The following MRPL42 variants were observed in gnomAD, a reference collection of about 807,000 sequenced individuals.
MRPL42 encodes the protein large ribosomal subunit protein mL42.
MRPL42 carries 17 observed loss-of-function variants against 17.9 expected under a neutral mutation model. The observed-to-expected ratio is 0.95, with a 90% CI of 0.65 to 1.42. The LOEUF (loss-of-function observed/expected upper bound fraction) is 1.42, where lower values mean the gene tolerates loss of function less well. MRPL42 is among the 40% of genes most tolerant of loss of function. The probability of loss-of-function intolerance (pLI) is 0.00; values close to 1 mark genes in which losing one functional copy is unlikely to be tolerated. For missense variants in MRPL42, 177 were observed against 175.2 expected (o/e 1.01, Z -0.06); for synonymous variants, 59 against 54.4 (o/e 1.08, Z -0.37).
chr12:93,479,284 A>AT, intron 3 of MRPL42, 104 bp from the exon 4 acceptor site: 1 of 627,246 alleles, frequency 1.6e-6, no homozygotes, highest in Non-Finnish European at 2.5e-6. Context: ...ACTGCACTCC[A>AT]GCCTGGGTGA....
rs141660529 is a variant in MRPL42, at chr12:93,492,088, A to T, written c.383+4428A>T. On this transcript the variant is annotated intron_variant, in intron 5 of 5. Coordinates refer to ENST00000549982, the MANE Select transcript of MRPL42 (RefSeq NM_014050.4). ...AGTGCTACAGTGAACATACAATTACATGTGTCTTTTTGGTGGAACAGTTTC... is the reference window on the plus strand; with the variant it reads ...AGTGCTACAGTGAACATACAATTACTTGTGTCTTTTTGGTGGAACAGTTTC... 5.9e-4 allele frequency among the ~76,000 whole-genome samples: 90 copies of T among 152,276 alleles called. 1 individual carries two copies. The highest frequency in any genetic ancestry group is 9.8e-4 in the Non-Finnish European group (67 of 68,034).
Position 93,515,017 on chromosome 12 carries a change from T to A in MRPL42, c.*13796T>A, listed in dbSNP as rs149432669. The A allele has an allele frequency of 2.2e-4, 33 of 152,288 alleles. No individual in the cohort carries two copies. Among genetic ancestry groups the A allele is most frequent in the Middle Eastern group, 3.4e-3 (1 of 294 alleles). 9.4% of individuals were successfully genotyped at this position (152,288 alleles called of 1,614,324 possible). ...AAACTCAGCTGATTCCTTCTGCAGA[T>A]ACACTCTCCACCCTTCTTGATTCCT... is the stretch of plus-strand genomic sequence containing the variant. On this transcript the variant is annotated 3_prime_UTR_variant, in exon 6 of 6. Coordinates refer to ENST00000549982, the MANE Select transcript of MRPL42 (RefSeq NM_014050.4).
At chr12:93,478,102 G>A (rs1483335933) in intron 3 of MRPL42, among the ~76,000 whole-genome samples, 1 of 151,706 alleles carries the variant, frequency 6.6e-6, no homozygotes, top group East Asian at 1.9e-4. Flanking sequence ...GACTATAGGT[G>A]TGTGCCACCA....
intron 4 of MRPL42, 152 bp from the exon 5 acceptor site, chr12:93,487,345 C>CA (rs34626627): frequency 0.69 from 412,513 of 596,678 alleles, 144,967 homozygotes; most frequent in African/African-American, 0.77. Context: ...ATGAATAATG[C>CA]ACTAAGTGAA....
chr12:93,515,770 CTA>C lies in MRPL42; in HGVS notation c.*14551_*14552del, dbSNP rs1953775673. 1 of 152,134 alleles carries C rather than the reference CTA, an allele frequency of 6.6e-6. No homozygotes were observed. Among genetic ancestry groups the C allele is most frequent in the African/African-American group, 2.4e-5 (1 of 41,428 alleles). 9.4% of individuals were successfully genotyped at this position (152,134 alleles called of 1,614,324 possible). ...AGCTGACTTGGCATTCACAGCTAGG[CTA>C]TGTTATTTTCCTATTGGGCATAAGT... On this transcript the variant is annotated 3_prime_UTR_variant, in exon 6 of 6. Coordinates refer to ENST00000549982, the MANE Select transcript of MRPL42 (RefSeq NM_014050.4).
intron 5 of MRPL42, among the ~76,000 whole-genome samples, chr12:93,494,929 A>AGT (rs1221238881): frequency 1.2e-5 from 1 of 81,400 alleles, no homozygotes; most frequent in African/African-American, 4.1e-5. Context: ...ACCATCAGGA[A>AGT]CTCTAGAGAT....
chr12:93,476,840 G>A (rs965969966), intron 2 of MRPL42, 114 bp from the exon 3 acceptor site: 18 of 930,798 alleles, frequency 1.9e-5, no homozygotes, highest in Admixed American at 1.8e-4. Flanking sequence ...CCTAGCACAG[G>A]CCTGTTTCAT....
chr12:93,492,326 G>C (rs1953430552), intron 5 of MRPL42, among the ~76,000 whole-genome samples: 1 of 152,100 alleles, frequency 6.6e-6, no homozygotes, highest in African/African-American at 2.4e-5. Flanking sequence ...ACTAGTATCA[G>C]CTGGTATCAC....
At chr12:93,467,814 T>G (rs1465714961) in intron 1 of MRPL42, among the ~76,000 whole-genome samples, 5 of 152,014 alleles carry the variant, frequency 3.3e-5, no homozygotes, top group Non-Finnish European at 5.9e-5. Flanking sequence ...GGTCGAAGAG[T>G]TCTGGTGCTC....
Position 93,502,812 on chromosome 12 carries a change from A to G in MRPL42, c.*1591A>G, listed in dbSNP as rs1193977090. 3 of 152,238 alleles carry G rather than the reference A, an allele frequency of 2.0e-5. No homozygotes were observed. The highest frequency in any genetic ancestry group is 4.4e-5 in the Non-Finnish European group (3 of 68,042). 9.4% of individuals were successfully genotyped at this position (152,238 alleles called of 1,614,324 possible). On this transcript the variant is annotated 3_prime_UTR_variant, in exon 6 of 6. Coordinates refer to ENST00000549982, the MANE Select transcript of MRPL42 (RefSeq NM_014050.4). ...AAGATTTTCTTCTCTTCCGAGTACA[A>G]AGCTCTGCTAAATAAGGATTTACCC...
chr12:93,474,061 TGTGATAA>T (rs1880039049), intron 2 of MRPL42, among the ~76,000 whole-genome samples: 1 of 152,148 alleles, frequency 6.6e-6, no homozygotes, highest in Non-Finnish European at 1.5e-5. Context: ...TGAGGCAGAA[TGTGATAA>T]GTGTGTCATG....
chr12:93,507,673 G>A lies in MRPL42; in HGVS notation c.*6452G>A, dbSNP rs1026355618. 6.6e-6 allele frequency: 1 copy of A among 152,260 alleles called. No individual in the cohort carries two copies. Among genetic ancestry groups the A allele is most frequent in the South Asian group, 2.1e-4 (1 of 4,830 alleles). The allele number at this position is 152,260 out of a possible 1,614,324, so 9.4% of individuals were successfully genotyped here. On this transcript the variant is annotated 3_prime_UTR_variant, in exon 6 of 6. Transcript: ENST00000549982. ...GCCCATGCAGCTGAGGTCACTAGTTGGGTTGTTGAGGCTGGCTAGTCCTAG... is the reference window on the plus strand; with the variant it reads ...GCCCATGCAGCTGAGGTCACTAGTTAGGTTGTTGAGGCTGGCTAGTCCTAG...
chr12:93,504,003 CT>C lies in MRPL42; in HGVS notation c.*2792del, dbSNP rs35963955. 2.7e-5 allele frequency: 4 copies of C among 147,238 alleles called. No individual in the cohort carries two copies. Among genetic ancestry groups the C allele is most frequent in the Middle Eastern group, 7.5e-4 (1 of 1,332 alleles). The allele number at this position is 147,238 out of a possible 1,614,324, so 9.1% of individuals were successfully genotyped here. A position where few individuals can be genotyped will look rare whatever the true frequency, so the allele number is the denominator to read the frequency against. ...TATTTTTTTTTTAAATTTATTTCTT[CT>C]TTTTTTTTTCTTATAATCTCATCAG... is the stretch of plus-strand genomic sequence containing the variant. On this transcript the variant is annotated 3_prime_UTR_variant, in exon 6 of 6. Coordinates refer to ENST00000549982, the MANE Select transcript of MRPL42 (RefSeq NM_014050.4).
At chr12:93,477,688 G>A (rs1880249021) in intron 3 of MRPL42, among the ~76,000 whole-genome samples, 1 of 151,864 alleles carries the variant, frequency 6.6e-6, no homozygotes, top group Non-Finnish European at 1.5e-5. Context: ...CCTGAGATGG[G>A]GTCTTGTTCT....
At chr12:93,485,380 G>A (rs1880694470) in intron 4 of MRPL42, among the ~76,000 whole-genome samples, 2 of 151,316 alleles carry the variant, frequency 1.3e-5, no homozygotes, top group African/African-American at 4.9e-5. Context: ...AGCTCAAAGT[G>A]ATCTGCCTGT....
rs1953678980 is a variant in MRPL42 at position 93,507,066 on chromosome 12, T to C, written c.*5845T>C. ...ACATTAAGGACATCTTATATGTATA[T>C]TTATGCATATACATACTGATGAAAT... On this transcript the variant is annotated 3_prime_UTR_variant, in exon 6 of 6. Transcript: ENST00000549982. 1 of 152,214 alleles carries C rather than the reference T, an allele frequency of 6.6e-6. No individual in the cohort carries two copies. Among genetic ancestry groups the C allele is most frequent in the African/African-American group, 2.4e-5 (1 of 41,450 alleles). 9.4% of individuals were successfully genotyped at this position (152,214 alleles called of 1,614,324 possible).
intron 4 of MRPL42, among the ~76,000 whole-genome samples, chr12:93,487,025 A>G (rs1012203479): frequency 4.6e-5 from 7 of 152,062 alleles, no homozygotes; most frequent in African/African-American, 9.7e-5. Context: ...GCTGGAGCAC[A>G]GTAGTGTGAT....
Position 93,507,142 on chromosome 12 carries a change from A to G in MRPL42, c.*5921A>G, listed in dbSNP as rs1041925532. The G allele has an allele frequency of 6.6e-6, 1 of 152,218 alleles. No individual in the cohort carries two copies. The highest frequency in any genetic ancestry group is 2.4e-5 in the African/African-American group (1 of 41,460). 9.4% of individuals were successfully genotyped at this position (152,218 alleles called of 1,614,324 possible). On this transcript the variant is annotated 3_prime_UTR_variant, in exon 6 of 6. Transcript: ENST00000549982. Reference sequence around the variant, plus strand: ...GTGATGTACTAATGAAGATTTAACAACTGGTTCTAACTTGTAATGTTTGCC... The same window carrying G: ...GTGATGTACTAATGAAGATTTAACAGCTGGTTCTAACTTGTAATGTTTGCC...
intron 3 of MRPL42, among the ~76,000 whole-genome samples, chr12:93,479,093 G>C (rs1880330743): frequency 6.6e-6 from 1 of 151,390 alleles, no homozygotes; most frequent in South Asian, 2.1e-4. Flanking sequence ...CACCACACCT[G>C]GCTAATATTT....
Sources: gnomAD v4.1 joint callset for allele counts (sites outside exome capture counted in the v4.1 genomes callset) on GRCh38, gnomAD v4.1.1 for gene constraint, MANE v1.5 for transcripts, NCBI Gene and HGNC (gene_info 2026-07-23, HGNC 2026-07-21) for gene names.